The following CDC5L variants were observed in gnomAD, a reference collection of about 807,000 sequenced individuals.
CDC5L encodes cell division cycle 5 like, also known as cell division cycle 5-like protein.
Under a neutral mutation model 104.1 loss-of-function variants are expected in CDC5L, and 18 were observed. That is an observed-to-expected ratio of 0.17 (90% CI 0.12 to 0.26). CDC5L has a LOEUF of 0.26. Among genes scored for constraint, CDC5L ranks in the 10% least tolerant of loss-of-function variants. The probability of loss-of-function intolerance (pLI) is 1.00; values close to 1 mark genes in which losing one functional copy is unlikely to be tolerated. For synonymous variants in CDC5L, 331 were observed against 322.7 expected (o/e 1.03, Z -0.28); for missense variants, 673 against 956.9 (o/e 0.70, Z 3.91).
rs1791433075 is a variant in CDC5L, at chr6:44,407,613, T to C, written c.904-831T>C. On this transcript the variant is annotated intron_variant, in intron 7 of 15. Coordinates refer to ENST00000371477, the MANE Select transcript of CDC5L (RefSeq NM_001253.4). ...TCCCAAAGTGCTGGGATTATAGGCATGAGCCACCGTGCCCAGCTAACCCTT... is the reference window on the plus strand; with the variant it reads ...TCCCAAAGTGCTGGGATTATAGGCACGAGCCACCGTGCCCAGCTAACCCTT... Among the ~76,000 whole-genome samples the C allele has an allele frequency of 2.6e-5, 4 of 152,224 alleles. No homozygotes were observed. The South Asian group carries it at 8.3e-4, about 31-fold the overall frequency.
intron 14 of CDC5L, among the ~76,000 whole-genome samples, chr6:44,437,026 C>T (rs1792970651): frequency 6.6e-6 from 1 of 152,166 alleles, no homozygotes; most frequent in Non-Finnish European, 1.5e-5. Flanking sequence ...TCCATCAGGG[C>T]AGTTGCTAGT....
chr6:44,420,507 C>T (rs1219447021), intron 9 of CDC5L, among the ~76,000 whole-genome samples: 1 of 151,852 alleles, frequency 6.6e-6, no homozygotes, highest in Non-Finnish European at 1.5e-5. Flanking sequence ...TACAGGCATG[C>T]GCCGCCATGC....
In CDC5L at chr6:44,401,589, TG is replaced by T. The variant is rs142054285; in HGVS notation, c.540-2214del. On this transcript the variant is annotated intron_variant, in intron 5 of 15. Coordinates refer to ENST00000371477, the MANE Select transcript of CDC5L (RefSeq NM_001253.4). Reference sequence around the variant, plus strand: ...GAGTGGAATCTCCATTCCTCTGAGCTGGGGGGAAGGAGGGAGTGGGTCTTGG... The same window carrying T: ...GAGTGGAATCTCCATTCCTCTGAGCTGGGGGAAGGAGGGAGTGGGTCTTGG... 7.9e-3 allele frequency among the ~76,000 whole-genome samples: 1,202 copies of T among 152,192 alleles called. 21 individuals are homozygous for T. Among genetic ancestry groups the T allele is most frequent in the African/African-American group, 0.028 (1,148 of 41,516 alleles).
At chr6:44,401,137 A>G (rs1561969111) in intron 5 of CDC5L, among the ~76,000 whole-genome samples, 1 of 152,138 alleles carries the variant, frequency 6.6e-6, no homozygotes, top group African/African-American at 2.4e-5. Flanking sequence ...CTCTGTTGCA[A>G]TGAAGTCCTT....
chr6:44,427,183 C>T (rs1179146212), intron 13 of CDC5L, among the ~76,000 whole-genome samples: 2 of 152,186 alleles, frequency 1.3e-5, no homozygotes, highest in African/African-American at 4.8e-5. Flanking sequence ...ATTCCCCTCA[C>T]ATGATTTCCC....
intron 5 of CDC5L, among the ~76,000 whole-genome samples, chr6:44,402,810 C>T (rs1428295285): frequency 1.3e-5 from 2 of 152,136 alleles, no homozygotes; most frequent in Non-Finnish European, 2.9e-5. Flanking sequence ...AGTGGTATGT[C>T]TTGGGCCTCT....
At chr6:44,414,506 A>C (rs943828963) in intron 8 of CDC5L, among the ~76,000 whole-genome samples, 24 of 147,310 alleles carry the variant, frequency 1.6e-4, no homozygotes, top group African/African-American at 5.8e-4. Context: ...TTTTAATTTA[A>C]AAATTTTTTT....
chr6:44,403,992 A>G lies in CDC5L; in HGVS notation c.723A>G (p.Lys241=), dbSNP rs781331869. 8 of 1,611,850 alleles carry G rather than the reference A, an allele frequency of 5.0e-6. No homozygotes were observed. The highest frequency in any genetic ancestry group is 1.7e-5 in the Admixed American group (1 of 59,676). ...NYQALDADFR[K]LRQQDLDGEL... is the part of the protein sequence containing the mutation. ...AAGCTCTTGACGCAGATTTCAGGAA[A>G]TTAAGACAACAGGATCTTGATGGGG... The change falls in exon 6 of 16, where the codon AAA becomes AAG. Residue 241 remains lysine (K), a synonymous_variant. Transcript: ENST00000371477.
intron 10 of CDC5L, among the ~76,000 whole-genome samples, chr6:44,423,594 G>A (rs926962599): frequency 2.6e-5 from 4 of 151,994 alleles, no homozygotes; most frequent in Non-Finnish European, 5.9e-5. Flanking sequence ...GGAGGGTGGG[G>A]GCTGTCTCAG....
rs114034454 is a variant in CDC5L, at chr6:44,437,773, A to G, written c.2091+7863A>G. On this transcript the variant is annotated intron_variant, in intron 14 of 15. Transcript: ENST00000371477. Reference sequence around the variant, plus strand: ...TGTAAAACCAAACTGGAAATGGACTATCCATGGAGCATAGTGTATAGCTGA... The same window carrying G: ...TGTAAAACCAAACTGGAAATGGACTGTCCATGGAGCATAGTGTATAGCTGA... 6.5e-3 allele frequency among the ~76,000 whole-genome samples: 994 copies of G among 152,328 alleles called. 10 individuals are homozygous for G. Among genetic ancestry groups the G allele is most frequent in the African/African-American group, 0.021 (869 of 41,566 alleles).
chr6:44,445,424 C>G (rs1793401198), intron 14 of CDC5L, among the ~76,000 whole-genome samples: 1 of 152,176 alleles, frequency 6.6e-6, no homozygotes, highest in Admixed American at 6.5e-5. Context: ...AATCGTGGGT[C>G]AAATTATTAT....
chr6:44,445,812 G>A lies in CDC5L; in HGVS notation c.2249G>A (p.Arg750His), dbSNP rs202064406. ...DQIEQAHLEL[R>H]TFEELKKHED... Reference sequence around the variant, plus strand: ...ATTGAACAGGCTCACTTGGAGTTACGCACTTTTGAAGAACTCAAGAAACAT... The same window carrying A: ...ATTGAACAGGCTCACTTGGAGTTACACACTTTTGAAGAACTCAAGAAACAT... The change falls in exon 15 of 16, where the codon CGC becomes CAC. Residue 750 changes from arginine to histidine, a missense_variant. By Grantham distance (29) the Arg-to-His change is conservative. Around this residue, in one of 4 missense-constraint regions of CDC5L, gnomAD observed 578 missense variants for 737.0 expected, o/e 0.78. Transcript: ENST00000371477. 4.0e-5 allele frequency: 64 copies of A among 1,613,836 alleles called. No individual in the cohort carries two copies. In the Admixed American group the frequency reaches 4.2e-4, roughly 11 times the overall value.
intron 14 of CDC5L, among the ~76,000 whole-genome samples, chr6:44,440,708 CTTT>C (rs372146196): frequency 1.1e-4 from 15 of 130,950 alleles, no homozygotes; most frequent in Admixed American, 2.3e-4. Flanking sequence ...ATTTAAAATC[CTTT>C]TTTTTTTTTT....
chr6:44,416,885 A>G (rs987057234), intron 8 of CDC5L, among the ~76,000 whole-genome samples: 4 of 152,206 alleles, frequency 2.6e-5, no homozygotes, highest in Non-Finnish European at 5.9e-5. Flanking sequence ...AAGCCTACAT[A>G]CGTTTCTTTC....
intron 5 of CDC5L, among the ~76,000 whole-genome samples, chr6:44,403,271 C>T (rs1186291716): frequency 6.6e-6 from 1 of 150,600 alleles, no homozygotes; most frequent in Admixed American, 6.6e-5. Flanking sequence ...TTTTAGTTAC[C>T]TGCATTTTTT....
At position 44,408,441 on chromosome 6, in the gene CDC5L, T is replaced by C. The variant is rs771826078; in HGVS notation, c.904-3T>C. The C allele has an allele frequency of 3.1e-6, 5 of 1,607,976 alleles. No individual in the cohort carries two copies. The highest frequency in any genetic ancestry group is 4.3e-6 in the Non-Finnish European group (5 of 1,175,474). On this transcript the variant is annotated splice_polypyrimidine_tract_variant and splice_region_variant and intron_variant, in intron 7 of 15. Coordinates refer to ENST00000371477, the MANE Select transcript of CDC5L (RefSeq NM_001253.4). Reference sequence around the variant, plus strand: ...GCTTACTATGATAATTGTGTCCTTTTAGATTTCAGATGCAGAACTCCAGGA... The same window carrying C: ...GCTTACTATGATAATTGTGTCCTTTCAGATTTCAGATGCAGAACTCCAGGA...
chr6:44,425,485 A>C (rs1792378141), intron 11 of CDC5L, among the ~76,000 whole-genome samples: 1 of 152,072 alleles, frequency 6.6e-6, no homozygotes, highest in Admixed American at 6.6e-5. Context: ...GACCCCTTTC[A>C]GTAGCTGCAG....
Position 44,437,986 on chromosome 6 carries a change from GT to G in CDC5L, c.2092-7667del, listed in dbSNP as rs368955767. ...TTTTTTGGAGACAGGGTCTTTCTCT[GT>G]TGACCAGGCTGGAGTGCAGTGGCGC... On this transcript the variant is annotated intron_variant, in intron 14 of 15. Coordinates refer to ENST00000371477, the MANE Select transcript of CDC5L (RefSeq NM_001253.4). Among the ~76,000 whole-genome samples, 1,208 of 152,256 alleles carry G rather than the reference GT, an allele frequency of 7.9e-3. 21 individuals carry two copies. The highest frequency in any genetic ancestry group is 0.028 in the African/African-American group (1,154 of 41,538).
chr6:44,426,601 CCCTTATGAA>C lies in CDC5L; in HGVS notation c.1773_1781del (p.Tyr592_Pro594del). On this transcript the variant is annotated inframe_deletion, in exon 13 of 16. Coordinates refer to ENST00000371477, the MANE Select transcript of CDC5L (RefSeq NM_001253.4). Reference sequence around the variant, plus strand: ...TGCTTCATTATGACCTTCTACATCACCCTTATGAACCATCTGGAAATAAAAAAGGCAAAA... The same window carrying C: ...TGCTTCATTATGACCTTCTACATCACCCATCTGGAAATAAAAAAGGCAAAA... 1 of 1,613,442 alleles carries C rather than the reference CCCTTATGAA, an allele frequency of 6.2e-7. No homozygotes were observed. The highest frequency in any genetic ancestry group is 2.2e-5 in the East Asian group (1 of 44,792).
Sources: allele counts gnomAD v4.1 joint callset (sites outside exome capture counted in the v4.1 genomes callset), GRCh38; gene constraint gnomAD v4.1.1; regional missense constraint gnomAD v4.1.1; transcripts MANE v1.5; gene names NCBI Gene and HGNC (gene_info 2026-07-23, HGNC 2026-07-21).